Variants in CDIN1 observed in about 807,000 individuals in gnomAD.
CDIN1 encodes CDAN1-interacting nuclease 1.
A neutral mutation model predicts 45.3 loss-of-function variants in CDIN1; 33 were observed. The ratio of observed to expected loss-of-function variants is 0.73; its 90% CI spans 0.55 to 0.97. The LOEUF (loss-of-function observed/expected upper bound fraction) is 0.97. Ranked by LOEUF, CDIN1 falls within the 50% of genes least tolerant of loss-of-function variation. The pLI is 0.00. For missense variants in CDIN1, 303 were observed against 339.4 expected, an observed-to-expected ratio of 0.89 and a Z score of 0.84; for synonymous variants, 118 against 124.4, an observed-to-expected ratio of 0.95 and a Z score of 0.34.
At chr15:36,725,599 G>A (rs902779145) in intron 10 of CDIN1, among the ~76,000 whole-genome samples, 9 of 152,238 alleles carry the variant, frequency 5.9e-5, no homozygotes, top group African/African-American at 2.2e-4. Flanking sequence ...TAGATAAATT[G>A]AAGTAATTAT....
In CDIN1 at chr15:36,667,133, C is replaced by T. The variant is rs564916848; in HGVS notation, c.346+9228C>T. 7.8e-4 allele frequency among the ~76,000 whole-genome samples: 118 copies of T among 152,232 alleles called. 1 individual carries two copies. The highest frequency in any genetic ancestry group is 3.4e-3 in the Middle Eastern group (1 of 294). The stretch of plus-strand genomic sequence containing the variant: ...AGTTTTGTCTTCTGAAAGTTAGTTA[C>T]GTAGCAAATCATTTTCATGAGTCAG... On this transcript the variant is annotated intron_variant, in intron 5 of 10. Transcript: ENST00000566621.
intron 10 of CDIN1, among the ~76,000 whole-genome samples, chr15:36,780,228 G>C (rs964740046): frequency 6.6e-6 from 1 of 152,172 alleles, no homozygotes; most frequent in Non-Finnish European, 1.5e-5. Flanking sequence ...GAGAATGGCA[G>C]TCTCAGAACT....
At chr15:36,776,261 C>T (rs2084380103) in intron 10 of CDIN1, among the ~76,000 whole-genome samples, 1 of 152,146 alleles carries the variant, frequency 6.6e-6, no homozygotes, top group Admixed American at 6.5e-5. Context: ...ACATCTGTGT[C>T]CTCCTAAATC....
chr15:36,806,450 T>G (rs1370907620), intron 10 of CDIN1, among the ~76,000 whole-genome samples: 1 of 152,204 alleles, frequency 6.6e-6, no homozygotes, highest in East Asian at 1.9e-4. Flanking sequence ...TCTTTTGTTC[T>G]TCTCTGTGAC....
intron 1 of CDIN1, among the ~76,000 whole-genome samples, chr15:36,623,867 A>AT (rs2039308789): frequency 6.6e-6 from 1 of 152,244 alleles, no homozygotes; most frequent in Admixed American, 6.5e-5. Flanking sequence ...AGTGATTAAG[A>AT]ACCTAGAGTC....
intron 3 of CDIN1, among the ~76,000 whole-genome samples, chr15:36,646,231 T>C (rs1021190619): frequency 6.6e-6 from 1 of 152,198 alleles, no homozygotes; most frequent in Non-Finnish European, 1.5e-5. Flanking sequence ...GAAATAAATA[T>C]GTGGATAAAA....
At chr15:36,593,131 C>T (rs754673578) in intron 1 of CDIN1, among the ~76,000 whole-genome samples, 3 of 152,020 alleles carry the variant, frequency 2.0e-5, no homozygotes, top group African/African-American at 4.8e-5. Flanking sequence ...GTTGCTACTG[C>T]GGTTATATTA....
chr15:36,735,999 G>A (rs2044003744), intron 10 of CDIN1, among the ~76,000 whole-genome samples: 1 of 152,152 alleles, frequency 6.6e-6, no homozygotes, highest in Non-Finnish European at 1.5e-5. Context: ...AGAGTTTGGT[G>A]TTAAGAAGGA....
intron 8 of CDIN1, chr15:36,706,766 A>C (rs747038813): frequency 3.1e-4 from 47 of 152,164 alleles, no homozygotes; most frequent in Non-Finnish European, 5.9e-5. Context: ...TAACAGTGAG[A>C]GTTCTCCAAT....
chr15:36,706,775 A>G (rs959647701), intron 8 of CDIN1: 2 of 152,198 alleles, frequency 1.3e-5, no homozygotes, highest in African/African-American at 2.4e-5. Context: ...GAGTTCTCCA[A>G]TAAAACCTTG....
chr15:36,704,749 A>G (rs2042801176), intron 8 of CDIN1: 1 of 152,202 alleles, frequency 6.6e-6, no homozygotes. Flanking sequence ...AAAACTTTTT[A>G]CAAGTTCATA....
intron 10 of CDIN1, among the ~76,000 whole-genome samples, chr15:36,792,848 A>C (rs1463889524): frequency 2.9e-4 from 44 of 152,226 alleles, no homozygotes; most frequent in Non-Finnish European, 2.9e-5. Flanking sequence ...GGGCCCACCA[A>C]GCACCTTGGT....
intron 8 of CDIN1, chr15:36,706,507 A>AAAGACTG (rs1555397890): frequency 6.6e-6 from 1 of 151,724 alleles, no homozygotes; most frequent in Admixed American, 6.6e-5. Context: ...CAGCTACTTG[A>AAAGACTG]AAGGCTGAGG....
intron 10 of CDIN1, among the ~76,000 whole-genome samples, chr15:36,792,664 A>G (rs1017494896): frequency 2.0e-5 from 3 of 152,190 alleles, no homozygotes; most frequent in African/African-American, 7.2e-5. Context: ...TTATCCCCAA[A>G]TAAGTGAGCT....
At chr15:36,650,984 A>G (rs1198239941) in intron 3 of CDIN1, among the ~76,000 whole-genome samples, 2 of 151,376 alleles carry the variant, frequency 1.3e-5, no homozygotes, top group Non-Finnish European at 2.9e-5. Context: ...AATTGCTTGA[A>G]CCCAGGAGGC....
At chr15:36,765,074 T>TTA (rs397797967) in intron 10 of CDIN1, among the ~76,000 whole-genome samples, 2 of 150,562 alleles carry the variant, frequency 1.3e-5, no homozygotes, top group African/African-American at 2.4e-5. Context: ...TTTTTTTTTT[T>TTA]AGATGGAGTC....
chr15:36,740,187 T>C (rs2044180665), intron 10 of CDIN1, among the ~76,000 whole-genome samples: 1 of 152,214 alleles, frequency 6.6e-6, no homozygotes, highest in Non-Finnish European at 1.5e-5. Flanking sequence ...CTTAAACTTA[T>C]TTGATGAAGG....
In CDIN1 at chr15:36,800,879, ATGTGTG is replaced by A. The variant is rs1163549097; in HGVS notation, c.717-7419_717-7414del. On this transcript the variant is annotated intron_variant, in intron 10 of 10. Coordinates refer to ENST00000566621, the MANE Select transcript of CDIN1 (RefSeq NM_001321759.2). The stretch of plus-strand genomic sequence containing the variant: ...TACATATGTGTGTGTGTGTGTATAT[ATGTGTG>A]TGTGTGTGTGTGTGTGTGTGTGTGT... Among the ~76,000 whole-genome samples the A allele has an allele frequency of 5.6e-4, 46 of 82,500 alleles. 5 individuals are homozygous for A. Among genetic ancestry groups the A allele is most frequent in the African/African-American group, 1.3e-3 (31 of 24,566 alleles). The allele number at this position is 82,500 out of a possible 152,430, so 54.1% of individuals were successfully genotyped here.
intron 8 of CDIN1, chr15:36,707,758 G>A (rs886934693): frequency 6.6e-6 from 1 of 152,126 alleles, no homozygotes; most frequent in Non-Finnish European, 1.5e-5. Flanking sequence ...TCAGCTTAAG[G>A]CACTGGAGTT....
Sources: allele counts gnomAD v4.1 joint callset (sites outside exome capture counted in the v4.1 genomes callset), GRCh38; gene constraint gnomAD v4.1.1; transcripts MANE v1.5; gene names NCBI Gene and HGNC (gene_info 2026-07-23, HGNC 2026-07-21).